MAPK10: variants seen among roughly 807,000 people sequenced by gnomAD.
The protein encoded by MAPK10 is JNK3 alpha protein kinase.
Under a neutral mutation model 59.3 loss-of-function variants are expected in MAPK10, and 25 were observed. That is an observed-to-expected ratio of 0.42 (90% CI 0.31 to 0.59). The LOEUF (loss-of-function observed/expected upper bound fraction) is 0.59, where lower values mean the gene tolerates loss of function less well. MAPK10 is among the 20% of genes least tolerant of loss of function. The pLI is 0.15. For synonymous variants in MAPK10, 190 were observed against 200.5 expected (o/e 0.95, Z 0.44); for missense variants, 351 against 568.9 (o/e 0.62, Z 3.90).
At chr4:86,172,282 T>C (rs896224362) in intron 3 of MAPK10, among the ~76,000 whole-genome samples, 4 of 144,538 alleles carry the variant, frequency 2.8e-5, no homozygotes, top group South Asian at 2.1e-4. Flanking sequence ...CACGTATGTT[T>C]ATTGCGGCAC....
chr4:86,294,456 C>G (rs1314013766), intron 2 of MAPK10, among the ~76,000 whole-genome samples: 2 of 151,020 alleles, frequency 1.3e-5, no homozygotes, highest in African/African-American at 2.4e-5. Flanking sequence ...GTTTGGCAAT[C>G]AAAAGTTCTA....
intron 1 of MAPK10, among the ~76,000 whole-genome samples, chr4:86,487,376 T>TA (rs1206554610): frequency 6.6e-6 from 1 of 150,670 alleles, no homozygotes; most frequent in Non-Finnish European, 1.5e-5. Context: ...TGTGTGTGTG[T>TA]GTGTGTGTAG....
intron 2 of MAPK10, among the ~76,000 whole-genome samples, chr4:86,218,119 AAAC>A (rs1362915142): frequency 6.6e-6 from 1 of 152,222 alleles, no homozygotes; most frequent in African/African-American, 2.4e-5. Context: ...GAACAAAAAT[AAAC>A]AACTCAAAAA....
chr4:86,524,468 T>C (rs1372860415), intron 1 of MAPK10, among the ~76,000 whole-genome samples: 2 of 152,200 alleles, frequency 1.3e-5, no homozygotes, highest in African/African-American at 4.8e-5. Context: ...ATTCAGTTCT[T>C]GCACATGTAT....
intron 1 of MAPK10, among the ~76,000 whole-genome samples, chr4:86,419,931 T>C (rs1195882427): frequency 6.6e-6 from 1 of 152,224 alleles, no homozygotes; most frequent in Non-Finnish European, 1.5e-5. Flanking sequence ...TCATTGTAGC[T>C]CCTGTATCTC....
rs373569180 is a variant in MAPK10, at chr4:86,588,408, TCAAA to T, written c.-263+5498_-263+5501del. ...GCAATGTTTTCCGTAATTATAATCCTCAAACAGTTAACAGAAAAATATCTCCATA... is the reference window on the plus strand; with the variant it reads ...GCAATGTTTTCCGTAATTATAATCCTCAGTTAACAGAAAAATATCTCCATA... On this transcript the variant is annotated intron_variant, in intron 1 of 4. Transcript: ENST00000502302. Among the ~76,000 whole-genome samples, 347 of 152,336 alleles carry T rather than the reference TCAAA, an allele frequency of 2.3e-3. 3 individuals are homozygous for T. The highest frequency in any genetic ancestry group is 7.5e-3 in the African/African-American group (312 of 41,580).
At chr4:86,536,328 G>A (rs889221319) in intron 1 of MAPK10, among the ~76,000 whole-genome samples, 1 of 152,152 alleles carries the variant, frequency 6.6e-6, no homozygotes, top group Non-Finnish European at 1.5e-5. Flanking sequence ...GGAGCCAAGG[G>A]TAAGAAAGGG....
chr4:86,284,438 G>A (rs950368071), intron 2 of MAPK10, among the ~76,000 whole-genome samples: 16 of 152,092 alleles, frequency 1.1e-4, no homozygotes, highest in African/African-American at 3.6e-4. Context: ...TCCATTCTAT[G>A]GTTGGTTGGA....
intron 2 of MAPK10, among the ~76,000 whole-genome samples, chr4:86,250,370 G>A (rs1301713939): frequency 6.6e-6 from 1 of 152,076 alleles, no homozygotes; most frequent in East Asian, 1.9e-4. Context: ...AAACATCCCA[G>A]ACAGACTTAC....
At chr4:86,083,595 T>C (rs1426752002) in intron 9 of MAPK10, among the ~76,000 whole-genome samples, 1 of 152,060 alleles carries the variant, frequency 6.6e-6, no homozygotes, top group Non-Finnish European at 1.5e-5. Context: ...GAGAATAAAC[T>C]TGAAAGGCAG....
chr4:86,043,213 G>A (rs1357598751), intron 11 of MAPK10, among the ~76,000 whole-genome samples: 1 of 151,990 alleles, frequency 6.6e-6, no homozygotes, highest in African/African-American at 2.4e-5. Flanking sequence ...AAGAAATAAG[G>A]GCTATAAAGA....
chr4:86,171,604 G>A (rs2149260522), intron 3 of MAPK10, among the ~76,000 whole-genome samples: 1 of 152,266 alleles, frequency 6.6e-6, no homozygotes, highest in African/African-American at 2.4e-5. Context: ...TTAAATGTTA[G>A]ATCTAAAACC....
chr4:86,541,436 A>G (rs1351548452), intron 1 of MAPK10, among the ~76,000 whole-genome samples: 1 of 152,166 alleles, frequency 6.6e-6, no homozygotes, highest in African/African-American at 2.4e-5. Context: ...GCAGGGTGGT[A>G]GCGTGAGCTT....
intron 1 of MAPK10, among the ~76,000 whole-genome samples, chr4:86,548,390 C>G (rs924200540): frequency 6.6e-6 from 1 of 152,192 alleles, no homozygotes; most frequent in African/African-American, 2.4e-5. Context: ...CACGAGGGTC[C>G]ACAGCTTCAT....
At chr4:86,186,166 A>G (rs532383688) in intron 3 of MAPK10, among the ~76,000 whole-genome samples, 203 of 152,250 alleles carry the variant, frequency 1.3e-3, no homozygotes, top group Non-Finnish European at 2.3e-3. Context: ...AGCCTAAAAT[A>G]TAGGTATTAT....
At chr4:86,551,568 C>CTT (rs1327670886) in intron 1 of MAPK10, among the ~76,000 whole-genome samples, 1 of 136,708 alleles carries the variant, frequency 7.3e-6, no homozygotes, top group African/African-American at 2.6e-5. Flanking sequence ...TCCTTCTTCT[C>CTT]TCTTTCTTTC....
intron 12 of MAPK10, among the ~76,000 whole-genome samples, chr4:86,030,422 C>T (rs2038760268): frequency 1.3e-5 from 2 of 152,094 alleles, no homozygotes; most frequent in African/African-American, 4.8e-5. Flanking sequence ...CCTCAACTTC[C>T]TGGACTCAAG....
chr4:86,505,832 T>A (rs1042143362), intron 1 of MAPK10, among the ~76,000 whole-genome samples: 3 of 152,150 alleles, frequency 2.0e-5, no homozygotes, highest in Non-Finnish European at 4.4e-5. Flanking sequence ...CTTTAGGTCA[T>A]GAACTAGCCT....
intron 2 of MAPK10, among the ~76,000 whole-genome samples, chr4:86,348,344 A>C (rs1002484401): frequency 2.6e-5 from 4 of 152,196 alleles, no homozygotes; most frequent in African/African-American, 9.6e-5. Flanking sequence ...AGGAATGTTC[A>C]GTAGTATTGC....
Sources: allele counts gnomAD v4.1 joint callset (sites outside exome capture counted in the v4.1 genomes callset), GRCh38; gene constraint gnomAD v4.1.1; transcripts MANE v1.5; gene names NCBI Gene and HGNC (gene_info 2026-07-23, HGNC 2026-07-21).